The following RIMS2 variants were observed in gnomAD, a reference collection of about 807,000 sequenced individuals.
RIMS2 encodes regulating synaptic membrane exocytosis protein 2.
In RIMS2, 59 loss-of-function variants were observed where a neutral mutation model predicts 174.4. The ratio of observed to expected loss-of-function variants is 0.34; its 90% CI spans 0.27 to 0.42. The LOEUF is 0.42. Ranked by LOEUF, RIMS2 falls within the 10% of genes least tolerant of loss-of-function variation. The pLI is 1.00. For synonymous variants in RIMS2, 606 were observed against 572.5 expected (o/e 1.06, Z -0.84); for missense variants, 1,620 against 1,666.3 (o/e 0.97, Z 0.48).
At chr8:104,216,831 T>C (rs1369863535) in intron 19 of RIMS2, among the ~76,000 whole-genome samples, 1 of 152,188 alleles carries the variant, frequency 6.6e-6, no homozygotes, top group African/African-American at 2.4e-5. Flanking sequence ...GTGACTAGAA[T>C]AGTGCCTGGC....
At chr8:103,728,754 T>C (rs952139577) in intron 2 of RIMS2, among the ~76,000 whole-genome samples, 1 of 149,602 alleles carries the variant, frequency 6.7e-6, no homozygotes, top group Non-Finnish European at 1.5e-5. Context: ...CCTTCTTTTT[T>C]TTTTTTTTTT....
At chr8:104,033,276 CAAGAT>C (rs2096439880) in intron 19 of RIMS2, among the ~76,000 whole-genome samples, 1 of 151,562 alleles carries the variant, frequency 6.6e-6, no homozygotes, top group South Asian at 2.1e-4. Flanking sequence ...TTTAAGTAAA[CAAGAT>C]AAATATAAAA....
chr8:104,045,839 C>T lies in RIMS2; in HGVS notation c.3334+31224C>T, dbSNP rs111458045. ...CAGATACTAATGTTAATTTGAAAAG[C>T]TTAACAATTCAAATTGAATAGATTT... is the stretch of plus-strand genomic sequence containing the variant. On this transcript the variant is annotated intron_variant, in intron 19 of 23. Coordinates refer to ENST00000504942, the Ensembl canonical transcript of RIMS2. Among the ~76,000 whole-genome samples, 959 of 151,916 alleles carry T rather than the reference C, an allele frequency of 6.3e-3. 15 individuals are homozygous for T. Among genetic ancestry groups the T allele is most frequent in the African/African-American group, 0.022 (902 of 41,500 alleles).
At chr8:104,060,393 A>T (rs1358233381) in intron 19 of RIMS2, among the ~76,000 whole-genome samples, 1 of 151,810 alleles carries the variant, frequency 6.6e-6, no homozygotes, top group African/African-American at 2.4e-5. Flanking sequence ...GGTAGTTTGT[A>T]TTTCTGTGGG....
At chr8:103,516,506 T>C (rs1829051657) in intron 1 of RIMS2, among the ~76,000 whole-genome samples, 2 of 152,036 alleles carry the variant, frequency 1.3e-5, no homozygotes, top group South Asian at 4.1e-4. Flanking sequence ...CTCTTGGTAA[T>C]TGTTAACATT....
chr8:103,699,155 T>C (rs1237659878), intron 2 of RIMS2, among the ~76,000 whole-genome samples: 2 of 152,216 alleles, frequency 1.3e-5, no homozygotes, highest in Non-Finnish European at 2.9e-5. Context: ...TTATTAGTCT[T>C]TTAGTATCCA....
intron 19 of RIMS2, among the ~76,000 whole-genome samples, chr8:104,198,105 G>A (rs755098166): frequency 3.9e-5 from 6 of 151,914 alleles, no homozygotes; most frequent in Admixed American, 2.6e-4. Flanking sequence ...ACATAATTAC[G>A]GATGCATGCA....
intron 19 of RIMS2, among the ~76,000 whole-genome samples, chr8:104,119,961 G>C (rs72685006): frequency 0.036 from 5,530 of 152,154 alleles, 138 homozygotes; most frequent in Middle Eastern, 0.14. Context: ...ACAAATGTAG[G>C]GCACATTGTG....
chr8:103,526,628 T>G (rs1420320921), intron 1 of RIMS2, among the ~76,000 whole-genome samples: 1 of 152,016 alleles, frequency 6.6e-6, no homozygotes, highest in Non-Finnish European at 1.5e-5. Context: ...AAAAAAGAAC[T>G]GAAAAAGGTA....
At chr8:104,227,375 G>A (rs2099195061) in intron 19 of RIMS2, among the ~76,000 whole-genome samples, 1 of 151,606 alleles carries the variant, frequency 6.6e-6, no homozygotes, top group African/African-American at 2.4e-5. Context: ...AACCCTTTGA[G>A]ATAAGAATTA....
In RIMS2 at chr8:103,580,072, G is replaced by T. The variant is rs565136428; in HGVS notation, c.176+79010G>T. Reference sequence around the variant, plus strand: ...AATTACAATTCGACATGAGATTTGGGTGGGGACACAGAGCAAAACCGTATC... The same window carrying T: ...AATTACAATTCGACATGAGATTTGGTTGGGGACACAGAGCAAAACCGTATC... On this transcript the variant is annotated intron_variant, in intron 1 of 23. Transcript: ENST00000504942. Among the ~76,000 whole-genome samples, 26 of 152,216 alleles carry T rather than the reference G, an allele frequency of 1.7e-4. 1 individual carries two copies. In the South Asian group the frequency reaches 5.4e-3, roughly 32 times the overall value.
chr8:103,920,750 G>T (rs2077456635), intron 9 of RIMS2: 1 of 454,260 alleles, frequency 2.2e-6, no homozygotes, highest in Admixed American at 2.4e-5. Flanking sequence ...AGCACTTTGG[G>T]AGGCCGAGGC....
chr8:103,548,385 C>A (rs1236274901), intron 1 of RIMS2, among the ~76,000 whole-genome samples: 1 of 152,062 alleles, frequency 6.6e-6, no homozygotes, highest in African/African-American at 2.4e-5. Flanking sequence ...ATGTGATTCA[C>A]CACATAAACA....
At chr8:103,718,727 G>A (rs1457962047) in intron 2 of RIMS2, among the ~76,000 whole-genome samples, 2 of 152,036 alleles carry the variant, frequency 1.3e-5, no homozygotes, top group Non-Finnish European at 2.9e-5. Flanking sequence ...GAGTGCTGTG[G>A]TGTGATCTCA....
chr8:104,040,465 C>A (rs904329645), intron 19 of RIMS2, among the ~76,000 whole-genome samples: 2 of 151,600 alleles, frequency 1.3e-5, no homozygotes, highest in African/African-American at 4.8e-5. Flanking sequence ...GTTATTTGAA[C>A]TTCTTCACTA....
At chr8:103,551,310 A>C (rs761458442) in intron 1 of RIMS2, among the ~76,000 whole-genome samples, 2 of 152,240 alleles carry the variant, frequency 1.3e-5, no homozygotes, top group Non-Finnish European at 2.9e-5. Flanking sequence ...AATGTCAATA[A>C]ACATAATCCA....
intron 1 of RIMS2, among the ~76,000 whole-genome samples, chr8:103,504,540 C>G (rs1387644930): frequency 6.6e-6 from 1 of 152,092 alleles, no homozygotes; most frequent in Non-Finnish European, 1.5e-5. Flanking sequence ...CTAATATGTA[C>G]ATATCATAGC....
chr8:103,745,279 T>C (rs954188742), intron 2 of RIMS2, among the ~76,000 whole-genome samples: 1 of 152,234 alleles, frequency 6.6e-6, no homozygotes, highest in African/African-American at 2.4e-5. Flanking sequence ...ACGGCTCATC[T>C]GTGTTGTAGC....
intron 3 of RIMS2, among the ~76,000 whole-genome samples, chr8:103,786,275 T>C (rs1172062026): frequency 6.6e-6 from 1 of 152,216 alleles, no homozygotes; most frequent in African/African-American, 2.4e-5. Context: ...TTTCCTTCAG[T>C]TCTCCTCTGA....
Sources: gnomAD v4.1 joint callset for allele counts (sites outside exome capture counted in the v4.1 genomes callset) on GRCh38, gnomAD v4.1.1 for gene constraint, MANE v1.5 for transcripts, NCBI Gene and HGNC (gene_info 2026-07-23, HGNC 2026-07-21) for gene names.